Variants in PRMT8 observed in about 807,000 individuals in gnomAD.
PRMT8 encodes the protein protein arginine methyltransferase 8, also known as protein arginine N-methyltransferase 8.
Under a neutral mutation model 47.1 loss-of-function variants are expected in PRMT8, and 7 were observed. The observed-to-expected ratio is 0.15, with a 90% CI of 0.08 to 0.28. The LOEUF (loss-of-function observed/expected upper bound fraction) is 0.28, where lower values mean the gene tolerates loss of function less well. Ranked by LOEUF, PRMT8 falls within the 10% of genes least tolerant of loss-of-function variation. PRMT8 has a pLI of 1.00. For missense variants in PRMT8, 237 were observed against 505.4 expected (o/e 0.47, Z 5.09); for synonymous variants, 188 against 186.5 (o/e 1.01, Z -0.07).
At chr12:3,459,823 TGGTG>T (rs1865021174) in intron 1 of PRMT8, among the ~76,000 whole-genome samples, 1 of 152,150 alleles carries the variant, frequency 6.6e-6, no homozygotes, top group South Asian at 2.1e-4. Context: ...CTCTTTCTCA[TGGTG>T]GAGGCATCTT....
rs752955918 is a variant in PRMT8, at chr12:3,478,303, T to TCTAC, written c.49-62300_49-62299insCCTA. Among the ~76,000 whole-genome samples the TCTAC allele has an allele frequency of 9.5e-5, 13 of 136,162 alleles. 1 individual carries two copies. Among genetic ancestry groups the TCTAC allele is most frequent in the Non-Finnish European group, 1.6e-5 (1 of 62,298 alleles). 89.3% of individuals were successfully genotyped at this position (136,162 alleles called of 152,430 possible). A position where few individuals can be genotyped will look rare whatever the true frequency, so the allele number is the denominator to read the frequency against. ...ATCTATCTATCTATCTATCTATCTA[T>TCTAC]CTATCTACCTACCTATCTATCTGTC... On this transcript the variant is annotated intron_variant, in intron 1 of 9. Transcript: ENST00000452611.
chr12:3,459,287 T>C (rs12314675), intron 1 of PRMT8, among the ~76,000 whole-genome samples: 2,083 of 152,216 alleles, frequency 0.014, 42 homozygotes, highest in African/African-American at 0.047. Flanking sequence ...ATGGGCCCTG[T>C]CCCCCTTCCC....
chr12:3,384,154 C>T (rs778437934), intron 1 of PRMT8, among the ~76,000 whole-genome samples: 1 of 152,006 alleles, frequency 6.6e-6, no homozygotes, highest in Non-Finnish European at 1.5e-5. Flanking sequence ...CTTCTGATCC[C>T]AAGGAGGAAA....
At chr12:3,498,531 G>C (rs1865543278) in intron 1 of PRMT8, among the ~76,000 whole-genome samples, 1 of 152,144 alleles carries the variant, frequency 6.6e-6, no homozygotes, top group African/African-American at 2.4e-5. Context: ...ACAGGGGCCT[G>C]ACATAATTGT....
intron 6 of PRMT8, among the ~76,000 whole-genome samples, chr12:3,573,385 T>G (rs1360574755): frequency 6.6e-6 from 1 of 152,268 alleles, no homozygotes; most frequent in Non-Finnish European, 1.5e-5. Flanking sequence ...TGATGCACAC[T>G]GTCCACCTTT....
At chr12:3,581,117 A>G (rs1240253638) in intron 7 of PRMT8, among the ~76,000 whole-genome samples, 3 of 152,320 alleles carry the variant, frequency 2.0e-5, no homozygotes, top group African/African-American at 2.4e-5. Flanking sequence ...ACAGGCTGCT[A>G]TAAGTATGTG....
intron 1 of PRMT8, among the ~76,000 whole-genome samples, chr12:3,397,478 T>C (rs1864265232): frequency 6.6e-6 from 1 of 150,494 alleles, no homozygotes; most frequent in Admixed American, 6.6e-5. Context: ...CCCTGTGAGG[T>C]GTCAGTCTGC....
chr12:3,584,964 A>G (rs1288300262), intron 8 of PRMT8, among the ~76,000 whole-genome samples: 3 of 152,198 alleles, frequency 2.0e-5, no homozygotes, highest in Admixed American at 2.0e-4. Flanking sequence ...TGATACTCTC[A>G]TAGCCTCACA....
intron 1 of PRMT8, among the ~76,000 whole-genome samples, 159 bp from the exon 2 acceptor site, chr12:3,540,447 G>A (rs990747084): frequency 6.6e-6 from 1 of 152,146 alleles, no homozygotes; most frequent in Non-Finnish European, 1.5e-5. Flanking sequence ...GAGCCCAACT[G>A]CTGGGAGCTG....
intron 1 of PRMT8, among the ~76,000 whole-genome samples, chr12:3,515,406 C>T (rs1378240398): frequency 6.6e-6 from 1 of 152,150 alleles, no homozygotes; most frequent in African/African-American, 2.4e-5. Flanking sequence ...AGGAGATATA[C>T]CTAATGCTAA....
intron 1 of PRMT8, among the ~76,000 whole-genome samples, chr12:3,519,024 G>A (rs1355934042): frequency 6.6e-6 from 1 of 152,214 alleles, no homozygotes; most frequent in Non-Finnish European, 1.5e-5. Context: ...CCTGAAGGCA[G>A]GGGAGAGCCG....
At chr12:3,395,527 C>G (rs1203832708) in intron 1 of PRMT8, among the ~76,000 whole-genome samples, 1 of 151,664 alleles carries the variant, frequency 6.6e-6, no homozygotes, top group African/African-American at 2.4e-5. Context: ...TGGTTTTGAG[C>G]GAGATTCTTA....
chr12:3,497,490 G>A (rs1320219524), intron 1 of PRMT8, among the ~76,000 whole-genome samples: 3 of 152,184 alleles, frequency 2.0e-5, no homozygotes, highest in Non-Finnish European at 4.4e-5. Context: ...ATTCTAAAAA[G>A]AGATGAAAAC....
chr12:3,430,367 T>C (rs1168100376), intron 1 of PRMT8, among the ~76,000 whole-genome samples: 2 of 152,222 alleles, frequency 1.3e-5, no homozygotes, highest in African/African-American at 4.8e-5. Flanking sequence ...GCCTTTAGTT[T>C]TTACTTCTTC....
At chr12:3,484,904 G>A (rs1240029074) in intron 1 of PRMT8, among the ~76,000 whole-genome samples, 1 of 152,160 alleles carries the variant, frequency 6.6e-6, no homozygotes, top group African/African-American at 2.4e-5. Context: ...TCTGGGGAGT[G>A]GGGAGTGTGG....
At chr12:3,403,761 C>T (rs1361386298) in intron 1 of PRMT8, among the ~76,000 whole-genome samples, 1 of 150,950 alleles carries the variant, frequency 6.6e-6, no homozygotes, top group African/African-American at 2.4e-5. Flanking sequence ...TCTGTAGTCC[C>T]AGCTACTCGG....
intron 1 of PRMT8, among the ~76,000 whole-genome samples, chr12:3,448,322 G>T (rs1225696611): frequency 6.6e-6 from 1 of 152,106 alleles, no homozygotes; most frequent in Non-Finnish European, 1.5e-5. Context: ...ATAATCTTAA[G>T]AATCATTGAG....
chr12:3,467,264 A>T (rs897677121), intron 1 of PRMT8, among the ~76,000 whole-genome samples: 2 of 147,128 alleles, frequency 1.4e-5, no homozygotes, highest in South Asian at 4.3e-4. Context: ...AAAAAAAAAA[A>T]GAAATGTGGC....
rs143996538 is a variant in PRMT8, at chr12:3,415,902, G to A, written c.48+34460G>A. Among the ~76,000 whole-genome samples the A allele has an allele frequency of 5.8e-3, 885 of 152,346 alleles. 11 individuals carry two copies. The highest frequency in any genetic ancestry group is 0.021 in the African/African-American group (854 of 41,584). On this transcript the variant is annotated intron_variant, in intron 1 of 9. Transcript: ENST00000452611. ...TTCCGGAGGAGCTTGTGGAGTAAAT[G>A]TGAGCTGGGGTAATCACAGGGCTCT... is the stretch of plus-strand genomic sequence containing the variant.
Sources: allele counts gnomAD v4.1 joint callset (sites outside exome capture counted in the v4.1 genomes callset), GRCh38; gene constraint gnomAD v4.1.1; transcripts MANE v1.5; gene names NCBI Gene and HGNC (gene_info 2026-07-23, HGNC 2026-07-21).